The following LZTS3 variants were observed in gnomAD, a reference collection of about 807,000 sequenced individuals.
LZTS3 encodes leucine zipper tumor suppressor family member 3, also known as leucine zipper putative tumor suppressor 3.
In LZTS3, 16 loss-of-function variants were observed where a neutral mutation model predicts 50.9. The ratio of observed to expected loss-of-function variants is 0.31; its 90% confidence interval spans 0.21 to 0.48. The LOEUF is 0.48. LZTS3 is among the 20% of genes least tolerant of loss of function. The pLI is 0.99. For synonymous variants in LZTS3, 408 were observed against 410.6 expected (o/e 0.99, Z 0.08); for missense variants, 816 against 931.0 (o/e 0.88, Z 1.61).
At chr20:3,170,938 T>A (rs971070143) in intron 1 of LZTS3, among the ~76,000 whole-genome samples, 1 of 152,180 alleles carries the variant, frequency 6.6e-6, no homozygotes, top group African/African-American at 2.4e-5. Flanking sequence ...AGGGCTTTTT[T>A]AATTTTAAAA....
chr20:3,165,396 C>CCCCCCCCCCAA lies in LZTS3; in HGVS notation c.1323+100_1323+101insTTGGGGGGGGG. On this transcript the variant is annotated intron_variant, in intron 4 of 4. Coordinates refer to ENST00000337576, the MANE Select transcript of LZTS3 (RefSeq NM_001365618.1). The surrounding 1 kb of genome is among the most constrained non-coding windows in gnomAD (Gnocchi z 5.0). ...TTGTCCCCCCTGCTCCTTTCATCCC[C>CCCCCCCCCCAA]CCCCCCATCCCACCGTTATGATAGT... The CCCCCCCCCCAA allele has an allele frequency of 2.7e-6, 3 of 1,126,292 alleles. No individual in the cohort carries two copies. The highest frequency in any genetic ancestry group is 3.6e-6 in the Non-Finnish European group (3 of 829,472). The allele number at this position is 1,126,292 out of a possible 1,614,324, so 69.8% of individuals were successfully genotyped here.
Position 3,165,637 on chromosome 20 carries a change from G to T in LZTS3, c.1183C>A (p.Arg395=). The change falls in exon 4 of 5, where the codon CGG becomes AGG. Residue 395 remains arginine, a synonymous_variant. Coordinates refer to ENST00000337576, the MANE Select transcript of LZTS3 (RefSeq NM_001365618.1). The surrounding 1 kb of genome is among the most constrained non-coding windows in gnomAD (Gnocchi z 5.0). ...AGCTGCTTCTTGTCCTGCTGCAGCC[G>T]CAACACCTGCAGCTGTAGGCCCTGC... ...AQQGLQLQVL[R]LQQDKKQLQE... is the part of the protein sequence containing the mutation. 6.3e-7 allele frequency: 1 copy of T among 1,594,812 alleles called. No individual in the cohort carries two copies. The highest frequency in any genetic ancestry group is 2.2e-5 in the East Asian group (1 of 44,698).
In LZTS3 at chr20:3,163,183, G is replaced by A. The variant is rs2066757301; in HGVS notation, c.*1271C>T. 1 of 152,606 alleles carries A rather than the reference G, an allele frequency of 6.6e-6. No individual in the cohort carries two copies. The highest frequency in any genetic ancestry group is 1.5e-5 in the Non-Finnish European group (1 of 68,014). 9.5% of individuals were successfully genotyped at this position (152,606 alleles called of 1,614,324 possible). On this transcript the variant is annotated 3_prime_UTR_variant, in exon 5 of 5. Coordinates refer to ENST00000337576, the MANE Select transcript of LZTS3 (RefSeq NM_001365618.1). The surrounding 1 kb of genome is among the most constrained non-coding windows in gnomAD (Gnocchi z 5.2). Reference sequence around the variant, plus strand: ...TTTATTGCTGGTGAATTAGAAATTTGCTTTTCCCTTCCTGTCTTGGGGAGA... The same window carrying A: ...TTTATTGCTGGTGAATTAGAAATTTACTTTTCCCTTCCTGTCTTGGGGAGA...
intron 1 of LZTS3, among the ~76,000 whole-genome samples, chr20:3,172,260 A>C (rs2122206676): frequency 6.6e-6 from 1 of 152,384 alleles, no homozygotes; most frequent in South Asian, 2.1e-4. Flanking sequence ...TGTAAATCCC[A>C]GCTTGACTGA....
At chr20:3,169,546 T>C (rs1354964790) in intron 1 of LZTS3, among the ~76,000 whole-genome samples, 4 of 151,902 alleles carry the variant, frequency 2.6e-5, no homozygotes, top group South Asian at 2.1e-4. Context: ...TTGGGGAAAA[T>C]AGTTGCTTTG....
rs763385095 is a variant in LZTS3, at chr20:3,165,054, G to A, written c.1422C>T (p.Arg474=). 2 of 1,580,346 alleles carry A rather than the reference G, an allele frequency of 1.3e-6. No homozygotes were observed. Among genetic ancestry groups the A allele is most frequent in the South Asian group, 1.2e-5 (1 of 86,528 alleles). Residue 474 remains arginine, a synonymous_variant, in exon 5 of 5, where the codon CGC becomes CGT. Coordinates refer to ENST00000337576, the MANE Select transcript of LZTS3 (RefSeq NM_001365618.1). The surrounding 1 kb of genome is among the most constrained non-coding windows in gnomAD (Gnocchi z 5.0). ...AAGCCCGGCCCTCCCGCAGCTGCGA[G>A]CGCAGTCCCACGATCTCACTCAACT... ...SQKLSEIVGL[R]SQLREGRASL...
chr20:3,165,439 GGGT>G lies in LZTS3; in HGVS notation c.1323+55_1323+57del. On this transcript the variant is annotated intron_variant, in intron 4 of 4. Transcript: ENST00000337576. This position sits in a 1 kb window ranked among gnomAD's most constrained non-coding sequence, Gnocchi z 5.0. ...ATGATAGTGAGGGGCAACTGCTCTG[GGGT>G]TTCCCAGAGGGACAGAAGGGAGGCA... The G allele has an allele frequency of 2.0e-6, 3 of 1,476,766 alleles. No individual in the cohort carries two copies. The highest frequency in any genetic ancestry group is 2.7e-6 in the Non-Finnish European group (3 of 1,116,214). 91.5% of individuals were successfully genotyped at this position (1,476,766 alleles called of 1,614,324 possible).
chr20:3,171,678 A>G (rs2122204912), intron 1 of LZTS3, among the ~76,000 whole-genome samples: 1 of 152,098 alleles, frequency 6.6e-6, no homozygotes, highest in South Asian at 2.1e-4. Context: ...AAAAAAAAAA[A>G]AAATCCCAGC....
chr20:3,167,260 C>A lies in LZTS3; in HGVS notation c.-18-79G>T, dbSNP rs1477642204. 4 of 1,416,800 alleles carry A rather than the reference C, an allele frequency of 2.8e-6. No homozygotes were observed. The Admixed American group carries it at 1.2e-4, about 41-fold the overall frequency. The allele number at this position is 1,416,800 out of a possible 1,614,324, so 87.8% of individuals were successfully genotyped here. A position where few individuals can be genotyped will look rare whatever the true frequency, so the allele number is the denominator to read the frequency against. On this transcript the variant is annotated intron_variant, in intron 2 of 4. Coordinates refer to ENST00000337576, the MANE Select transcript of LZTS3 (RefSeq NM_001365618.1). ...CCACCCCAGCCAAGTCAACCCGGCACCGCTCTGCCCCTCAGTGTCCCCTTC... is the reference window on the plus strand; with the variant it reads ...CCACCCCAGCCAAGTCAACCCGGCAACGCTCTGCCCCTCAGTGTCCCCTTC...
chr20:3,171,147 A>G (rs1188215662), intron 1 of LZTS3, among the ~76,000 whole-genome samples: 1 of 152,152 alleles, frequency 6.6e-6, no homozygotes, highest in Admixed American at 6.6e-5. Flanking sequence ...TATAAGGGGC[A>G]ATACAAACAT....
chr20:3,165,391 A>ACCCCCCCCC lies in LZTS3; in HGVS notation c.1323+105_1323+106insGGGGGGGGG. Reference sequence around the variant, plus strand: ...GATTTTTGTCCCCCCTGCTCCTTTCATCCCCCCCCCCATCCCACCGTTATG... The same window carrying ACCCCCCCCC: ...GATTTTTGTCCCCCCTGCTCCTTTCACCCCCCCCCTCCCCCCCCCCATCCCACCGTTATG... On this transcript the variant is annotated intron_variant, in intron 4 of 4. Coordinates refer to ENST00000337576, the MANE Select transcript of LZTS3 (RefSeq NM_001365618.1). The surrounding 1 kb of genome is among the most constrained non-coding windows in gnomAD (Gnocchi z 5.0). 1.1e-6 allele frequency: 1 copy of ACCCCCCCCC among 935,116 alleles called. No individual in the cohort carries two copies. Among genetic ancestry groups the ACCCCCCCCC allele is most frequent in the South Asian group, 1.7e-5 (1 of 57,334 alleles). 57.9% of individuals were successfully genotyped at this position (935,116 alleles called of 1,614,324 possible).
In LZTS3 at chr20:3,165,636, C is replaced by T. The variant is rs761208145; in HGVS notation, c.1184G>A (p.Arg395Gln). Residue 395 changes from arginine to glutamine, a missense_variant, in exon 4 of 5, where the codon CGG becomes CAG. Arg to Gln is a conservative substitution (Grantham distance 43). This residue lies in a region of LZTS3 where 700 missense variants were observed against 769.4 expected (regional missense o/e 0.91). Transcript: ENST00000337576. The surrounding 1 kb of genome is among the most constrained non-coding windows in gnomAD (Gnocchi z 5.0). ...CAGCTGCTTCTTGTCCTGCTGCAGC[C>T]GCAACACCTGCAGCTGTAGGCCCTG... ...AQQGLQLQVL[R>Q]LQQDKKQLQE... The T allele has an allele frequency of 4.4e-6, 7 of 1,595,776 alleles. No homozygotes were observed. The highest frequency in any genetic ancestry group is 1.7e-4 in the Middle Eastern group (1 of 5,808).
rs1326780270 is a variant in LZTS3, at chr20:3,167,106, C to T, written c.58G>A (p.Ala20Thr). ...AGCTCGGAGGGCCGTGGGGCAAAGG[C>T]CAGGAGAGGATCCCGCCCTGGGTCA... ...RADPGRDPLL[A>T]FAPRPSELGP... Residue 20 changes from alanine to threonine, a missense_variant, in exon 3 of 5, where the codon GCC (alanine) becomes ACC (threonine). By Grantham distance (58) the Ala-to-Thr change is moderately conservative (BLOSUM62 0). Around this residue, in one of 3 missense-constraint regions of LZTS3, gnomAD observed 700 missense variants for 769.4 expected, o/e 0.91. Transcript: ENST00000337576. The T allele has an allele frequency of 6.5e-7, 1 of 1,526,894 alleles. No individual in the cohort carries two copies. The highest frequency in any genetic ancestry group is 2.3e-5 in the East Asian group (1 of 43,538). The allele number at this position is 1,526,894 out of a possible 1,614,324, so 94.6% of individuals were successfully genotyped here.
At chr20:3,173,067 GC>G (rs2066918759) in intron 1 of LZTS3, among the ~76,000 whole-genome samples, 1 of 151,940 alleles carries the variant, frequency 6.6e-6, no homozygotes, top group Admixed American at 6.6e-5. Flanking sequence ...AGGGGGGGTC[GC>G]CATTCACCAG....
intron 1 of LZTS3, among the ~76,000 whole-genome samples, chr20:3,168,791 G>C (rs2066867442): frequency 6.6e-6 from 1 of 152,208 alleles, no homozygotes; most frequent in South Asian, 2.1e-4. Context: ...ACCAGGCAGG[G>C]AGCCCTCCTT....
rs1418908539 is a variant in LZTS3 at position 3,165,052 on chromosome 20, G to A, written c.1424C>T (p.Ser475Leu). 6.3e-7 allele frequency: 1 copy of A among 1,579,194 alleles called. No homozygotes were observed. Among genetic ancestry groups the A allele is most frequent in the African/African-American group, 1.3e-5 (1 of 74,636 alleles). Residue 475 changes from serine to leucine, a missense_variant, in exon 5 of 5, where the codon TCG becomes TTG. This residue lies in a region of LZTS3 where 700 missense variants were observed against 769.4 expected (regional missense o/e 0.91). Coordinates refer to ENST00000337576, the MANE Select transcript of LZTS3 (RefSeq NM_001365618.1). This position sits in a 1 kb window ranked among gnomAD's most constrained non-coding sequence, Gnocchi z 5.0. ...QKLSEIVGLR[S>L]QLREGRASLR... ...CGAAGCCCGGCCCTCCCGCAGCTGC[G>A]AGCGCAGTCCCACGATCTCACTCAA... is the stretch of plus-strand genomic sequence containing the variant.
chr20:3,165,473 G>C lies in LZTS3; in HGVS notation c.1323+24C>G, dbSNP rs76023798. 1,190 of 1,515,008 alleles carry C rather than the reference G, an allele frequency of 7.9e-4. 14 individuals are homozygous for C. In the East Asian group the frequency reaches 0.021, roughly 26 times the overall value. 93.8% of individuals were successfully genotyped at this position (1,515,008 alleles called of 1,614,324 possible). On this transcript the variant is annotated intron_variant, in intron 4 of 4. Transcript: ENST00000337576. The surrounding 1 kb of genome is among the most constrained non-coding windows in gnomAD (Gnocchi z 5.0). ...AGAGGGACAGAAGGGAGGCAGAGGG[G>C]AGGCCCAGATCCCCAGCCCGCACCT...
At position 3,165,870 on chromosome 20, in the gene LZTS3, G is replaced by T; in HGVS notation, c.950C>A (p.Pro317His). 1 of 1,606,468 alleles carries T rather than the reference G, an allele frequency of 6.2e-7. No homozygotes were observed. The change falls in exon 4 of 5, where the codon CCC becomes CAC. Residue 317 changes from proline (P) to histidine (H), a missense_variant. Coordinates refer to ENST00000337576, the MANE Select transcript of LZTS3 (RefSeq NM_001365618.1). This position sits in a 1 kb window ranked among gnomAD's most constrained non-coding sequence, Gnocchi z 5.0. The stretch of plus-strand genomic sequence containing the variant: ...CTCCAGCTCCTGGATGAGTGCACTG[G>T]GGGAGGGCGGTGAGCAGGCCGCGAA... ...LPFAACSPPS[P>H]SALIQELEER...
At chr20:3,173,166 C>T (rs1160459556) in intron 1 of LZTS3, among the ~76,000 whole-genome samples, 1 of 152,110 alleles carries the variant, frequency 6.6e-6, no homozygotes, top group African/African-American at 2.4e-5. Context: ...AAACCCCGCC[C>T]GCACCTCCCC....
Sources: allele counts gnomAD v4.1 joint callset (sites outside exome capture counted in the v4.1 genomes callset), GRCh38; gene constraint gnomAD v4.1.1; regional missense constraint gnomAD v4.1.1; non-coding constraint Gnocchi (gnomAD v3.1); transcripts MANE v1.5; gene names NCBI Gene and HGNC (gene_info 2026-07-23, HGNC 2026-07-21).